The following DEPDC5 variants were observed in gnomAD, a reference collection of about 807,000 sequenced individuals.
DEPDC5 encodes GATOR1 complex protein DEPDC5.
DEPDC5 carries 73 observed loss-of-function variants against 217.3 expected under a neutral mutation model. The observed-to-expected ratio is 0.34, with a 90% confidence interval of 0.28 to 0.41. The LOEUF is 0.41. Among genes scored for constraint, DEPDC5 ranks in the 10% least tolerant of loss-of-function variants. The pLI is 1.00. For missense variants in DEPDC5, 1,675 were observed against 2,070.1 expected (o/e 0.81, Z 3.70); for synonymous variants, 733 against 756.7 (o/e 0.97, Z 0.51).
In DEPDC5 at chr22:31,906,052, A is replaced by C. The variant is rs925107113; in HGVS notation, c.4505A>C (p.Tyr1502Ser). The C allele has an allele frequency of 2.5e-6, 4 of 1,614,056 alleles. No homozygotes were observed. Among genetic ancestry groups the C allele is most frequent in the Non-Finnish European group, 3.4e-6 (4 of 1,180,050 alleles). The part of the protein sequence containing the change: ...FNFPAENKPQ[Y>S]IHVTGTVFLQ... ...TTCCCTGCTGAGAACAAGCCTCAGT[A>C]TATCCACGTTACAGGTGAGGAGCTA... is the stretch of plus-strand genomic sequence containing the variant. The change falls in exon 42 of 43, where the codon TAT (tyrosine) becomes TCT (serine). Residue 1502 changes from tyrosine to serine, a missense_variant. Tyr to Ser is a moderately radical substitution (Grantham distance 144). Transcript: ENST00000651528. This position sits in a 1 kb window ranked among gnomAD's most constrained non-coding sequence, Gnocchi z 5.1.
intron 38 of DEPDC5, chr22:31,891,173 A>C (rs1292050842): frequency 1.9e-6 from 1 of 529,866 alleles, no homozygotes; most frequent in Admixed American, 2.8e-5. Context: ...CCTTCTTTAA[A>C]CTGTCAAGTA....
chr22:31,767,739 T>G (rs1264105688), intron 6 of DEPDC5, among the ~76,000 whole-genome samples: 1 of 151,756 alleles, frequency 6.6e-6, no homozygotes, highest in Non-Finnish European at 1.5e-5. Flanking sequence ...GCCCATTTTT[T>G]AATTATTCAT....
intron 38 of DEPDC5, among the ~76,000 whole-genome samples, chr22:31,892,865 G>C (rs1284243519): frequency 1.4e-5 from 2 of 147,624 alleles, no homozygotes; most frequent in Non-Finnish European, 1.5e-5. Flanking sequence ...TTCACTCTTT[G>C]GTGGTGTATT....
At chr22:31,887,013 G>A in intron 38 of DEPDC5, among the ~76,000 whole-genome samples, 1 of 151,878 alleles carries the variant, frequency 6.6e-6, no homozygotes, top group East Asian at 1.9e-4. Flanking sequence ...AACCCGGGAG[G>A]TGGAGGTTGC....
At chr22:31,761,122 C>T (rs973651872) in intron 4 of DEPDC5, among the ~76,000 whole-genome samples, 9 of 152,042 alleles carry the variant, frequency 5.9e-5, no homozygotes, top group African/African-American at 1.7e-4. Flanking sequence ...GCTGGGACTA[C>T]AGGCACCTGC....
At chr22:31,868,677 T>A (rs1187264278) in intron 33 of DEPDC5, among the ~76,000 whole-genome samples, 1 of 152,220 alleles carries the variant, frequency 6.6e-6, no homozygotes, top group Non-Finnish European at 1.5e-5. Flanking sequence ...TCCACTCGCC[T>A]TCGCCTCCCA....
intron 37 of DEPDC5, among the ~76,000 whole-genome samples, 162 bp downstream of exon 37, chr22:31,876,427 C>A (rs574618035): frequency 5.3e-4 from 80 of 152,256 alleles, no homozygotes; most frequent in Middle Eastern, 3.4e-3. Context: ...TTAAGCATAG[C>A]CAGAGTGACA....
chr22:31,850,636 G>T (rs187714619), intron 31 of DEPDC5, among the ~76,000 whole-genome samples: 2 of 152,312 alleles, frequency 1.3e-5, no homozygotes, highest in South Asian at 2.1e-4. Flanking sequence ...AGTTGGCCAG[G>T]TGCAGTGGCC....
chr22:31,764,692 A>G (rs1731543967), intron 4 of DEPDC5, among the ~76,000 whole-genome samples: 1 of 152,182 alleles, frequency 6.6e-6, no homozygotes, highest in South Asian at 2.1e-4. Flanking sequence ...CTGAGATTAC[A>G]GGTGTTAGCC....
In DEPDC5 at chr22:31,822,298, G is replaced by A. The variant is rs551719306; in HGVS notation, c.2007-395G>A. 7.2e-5 allele frequency among the ~76,000 whole-genome samples: 11 copies of A among 152,286 alleles called. No individual in the cohort carries two copies. The East Asian group carries it at 2.1e-3, about 29-fold the overall frequency. On this transcript the variant is annotated intron_variant, in intron 23 of 42. Coordinates refer to ENST00000651528, the MANE Select transcript of DEPDC5 (RefSeq NM_001242896.3). ...TCTTTCAGTCACCTTGACACCCTAG[G>A]GGATAGATAAGGGATATGGGGAGGG...
At chr22:31,796,958 G>T (rs1409463704) in intron 12 of DEPDC5, among the ~76,000 whole-genome samples, 1 of 149,508 alleles carries the variant, frequency 6.7e-6, no homozygotes, top group Non-Finnish European at 1.5e-5. Flanking sequence ...GCCTCCCAAA[G>T]TACTGGAATT....
At chr22:31,880,267 C>T (rs935088684) in intron 38 of DEPDC5, 1 of 161,210 alleles carries the variant, frequency 6.2e-6, no homozygotes, top group African/African-American at 2.4e-5. Context: ...AAACACTTCC[C>T]TCCTTTCCAC....
At chr22:31,854,634 A>ATTAT (rs1241053476) in intron 31 of DEPDC5, among the ~76,000 whole-genome samples, 1 of 152,214 alleles carries the variant, frequency 6.6e-6, no homozygotes, top group Non-Finnish European at 1.5e-5. Context: ...TCACATCATA[A>ATTAT]GAGAGAGGCA....
chr22:31,863,992 C>T (rs1164531550), intron 33 of DEPDC5, among the ~76,000 whole-genome samples: 1 of 151,794 alleles, frequency 6.6e-6, no homozygotes, highest in East Asian at 1.9e-4. Flanking sequence ...TTAAATTGTA[C>T]CTTATGTTTA....
At chr22:31,885,258 C>A (rs2093276946) in intron 38 of DEPDC5, among the ~76,000 whole-genome samples, 1 of 152,210 alleles carries the variant, frequency 6.6e-6, no homozygotes, top group Non-Finnish European at 1.5e-5. Flanking sequence ...CTGCCTTGTC[C>A]CCTGTCCGCC....
At chr22:31,779,860 A>C (rs1313018918) in intron 8 of DEPDC5, among the ~76,000 whole-genome samples, 1 of 152,198 alleles carries the variant, frequency 6.6e-6, no homozygotes, top group African/African-American at 2.4e-5. Flanking sequence ...AATCACCTCC[A>C]TATTCCAGGC....
At chr22:31,832,206 G>C (rs2090655492) in intron 24 of DEPDC5, among the ~76,000 whole-genome samples, 1 of 152,140 alleles carries the variant, frequency 6.6e-6, no homozygotes, top group Non-Finnish European at 1.5e-5. Context: ...CCAGGTTTTG[G>C]CAACTATGAA....
In DEPDC5 at chr22:31,833,989, G is replaced by A. The variant is rs559672383; in HGVS notation, c.2170+9G>A. 6.2e-7 allele frequency: 1 copy of A among 1,613,572 alleles called. No individual in the cohort carries two copies. The highest frequency in any genetic ancestry group is 8.5e-7 in the Non-Finnish European group (1 of 1,179,562). ...TACCTCTCCAGACCCAAGTAAGAGG[G>A]GGCAGCTGACTGGGGAAAGGGGTAG... On this transcript the variant is annotated intron_variant, in intron 25 of 42. Coordinates refer to ENST00000651528, the MANE Select transcript of DEPDC5 (RefSeq NM_001242896.3).
chr22:31,767,895 G>A (rs1411491669), intron 6 of DEPDC5, among the ~76,000 whole-genome samples: 2 of 151,346 alleles, frequency 1.3e-5, no homozygotes, highest in East Asian at 1.9e-4. Context: ...ACAGGCGCCC[G>A]CCACCACACC....
Sources: allele counts gnomAD v4.1 joint callset (sites outside exome capture counted in the v4.1 genomes callset), GRCh38; gene constraint gnomAD v4.1.1; non-coding constraint Gnocchi (gnomAD v3.1); transcripts MANE v1.5; gene names NCBI Gene and HGNC (gene_info 2026-07-23, HGNC 2026-07-21).